The following NEK5 variants were observed in gnomAD, a reference collection of about 807,000 sequenced individuals.
NEK5 encodes serine/threonine-protein kinase Nek5.
In NEK5, 88 loss-of-function variants were observed where a neutral mutation model predicts 109.2. The ratio of observed to expected loss-of-function variants is 0.81; its 90% confidence interval spans 0.68 to 0.96. The LOEUF (loss-of-function observed/expected upper bound fraction) is 0.96, where lower values mean the gene tolerates loss of function less well. Among genes scored for constraint, NEK5 ranks in the 40% least tolerant of loss-of-function variants. The pLI is 0.00. For missense variants in NEK5, 834 were observed against 920.7 expected, an observed-to-expected ratio of 0.91 and a Z score of 1.22; for synonymous variants, 283 against 299.9, an observed-to-expected ratio of 0.94 and a Z score of 0.58.
chr13:52,120,893 CAG>C (rs1955955628), intron 3 of NEK5, among the ~76,000 whole-genome samples: 1 of 138,984 alleles, frequency 7.2e-6, no homozygotes, highest in Non-Finnish European at 1.5e-5. Flanking sequence ...GCCTGGGTGA[CAG>C]AGTAAGACTC....
intron 23 of NEK5, among the ~76,000 whole-genome samples, chr13:52,047,190 C>T (rs1954467133): frequency 6.6e-6 from 1 of 151,838 alleles, no homozygotes; most frequent in Non-Finnish European, 1.5e-5. Context: ...ATCCAATTTA[C>T]AAGTGTACAT....
intron 3 of NEK5, among the ~76,000 whole-genome samples, chr13:52,119,816 G>T (rs986510366): frequency 6.6e-6 from 1 of 152,132 alleles, no homozygotes; most frequent in African/African-American, 2.4e-5. Flanking sequence ...AAGAAAATGT[G>T]TCATATCCCA....
At chr13:52,062,634 T>A (rs574191483) in intron 21 of NEK5, among the ~76,000 whole-genome samples, 122 of 152,210 alleles carry the variant, frequency 8.0e-4, no homozygotes, top group African/African-American at 2.9e-3. Flanking sequence ...TTGGCCAGGC[T>A]GATCTTGAAC....
chr13:52,119,319 C>G lies in NEK5; in HGVS notation c.214G>C (p.Glu72Gln), dbSNP rs1212888348. 6.5e-7 allele frequency: 1 copy of G among 1,543,170 alleles called. No individual in the cohort carries two copies. The highest frequency in any genetic ancestry group is 2.3e-5 in the East Asian group (1 of 44,418). ...NIVAFFNSFQ[E>Q]NGRLFIVMEY... ...CTTAACGAATATTAGAAAATCAAACCTTGAAATGAATTGAAGAAGGCTACA... is the reference window on the plus strand; with the variant it reads ...CTTAACGAATATTAGAAAATCAAACGTTGAAATGAATTGAAGAAGGCTACA... The change falls in exon 4 of 24, where the codon GAG (glutamate) becomes CAG (glutamine). Residue 72 changes from glutamate to glutamine, a missense_variant and splice_region_variant. Transcript: ENST00000684899.
At chr13:52,094,287 G>T (rs1415974481) in intron 12 of NEK5, among the ~76,000 whole-genome samples, 1 of 152,112 alleles carries the variant, frequency 6.6e-6, no homozygotes, top group Non-Finnish European at 1.5e-5. Flanking sequence ...TGGCAACTCT[G>T]TCTAGTTTAC....
chr13:52,121,161 T>TTC (rs1426785477), intron 3 of NEK5, among the ~76,000 whole-genome samples: 2 of 144,330 alleles, frequency 1.4e-5, no homozygotes, highest in East Asian at 2.0e-4. Flanking sequence ...GAAGAAATCT[T>TTC]TTTTTTTTTT....
At chr13:52,059,966 A>T (rs1023372606) in intron 22 of NEK5, among the ~76,000 whole-genome samples, 3 of 151,196 alleles carry the variant, frequency 2.0e-5, no homozygotes, top group Admixed American at 6.6e-5. Flanking sequence ...ATAAAAAAAT[A>T]AAAAAATAAT....
chr13:52,087,571 G>A (rs190005559), intron 14 of NEK5, 117 bp from the exon 15 acceptor site: 45 of 543,334 alleles, frequency 8.3e-5, no homozygotes, highest in Non-Finnish European at 6.5e-6. Context: ...CTCAGTATTT[G>A]GGAGTTTTTT....
chr13:52,083,981 C>G (rs1955066273), intron 16 of NEK5, among the ~76,000 whole-genome samples: 1 of 152,196 alleles, frequency 6.6e-6, no homozygotes, highest in African/African-American at 2.4e-5. Flanking sequence ...CCAGCACACA[C>G]AGTCCTCTGT....
At chr13:52,116,224 C>T (rs1955855727) in intron 4 of NEK5, among the ~76,000 whole-genome samples, 1 of 150,572 alleles carries the variant, frequency 6.6e-6, no homozygotes. Context: ...CAGACATTGG[C>T]ATCTTCCAAT....
chr13:52,093,241 G>A lies in NEK5; in HGVS notation c.1027-6C>T. 1 of 1,604,958 alleles carries A rather than the reference G, an allele frequency of 6.2e-7. No individual in the cohort carries two copies. Among genetic ancestry groups the A allele is most frequent in the South Asian group, 1.1e-5 (1 of 90,778 alleles). On this transcript the variant is annotated splice_polypyrimidine_tract_variant and splice_region_variant and intron_variant, in intron 12 of 23. Transcript: ENST00000684899. Reference sequence around the variant, plus strand: ...GGTCTTTCTATCATTTTTATCTGAAGAAAACAAGAGGGGATGTTTTTAAAA... The same window carrying A: ...GGTCTTTCTATCATTTTTATCTGAAAAAAACAAGAGGGGATGTTTTTAAAA...
chr13:52,095,448 C>T (rs1380126591), intron 12 of NEK5, among the ~76,000 whole-genome samples: 1 of 152,220 alleles, frequency 6.6e-6, no homozygotes, highest in East Asian at 1.9e-4. Flanking sequence ...ATCAATTTTA[C>T]CTTTTCAAGG....
At chr13:52,090,635 A>G (rs1471408776) in intron 13 of NEK5, among the ~76,000 whole-genome samples, 1 of 152,190 alleles carries the variant, frequency 6.6e-6, no homozygotes, top group Non-Finnish European at 1.5e-5. Flanking sequence ...CAATATCTTC[A>G]TGAGAAAAAT....
intron 22 of NEK5, among the ~76,000 whole-genome samples, chr13:52,056,833 C>G (rs1954560559): frequency 6.6e-6 from 1 of 151,248 alleles, no homozygotes; most frequent in South Asian, 2.1e-4. Flanking sequence ...TAAATGCCCA[C>G]AAGAGAAAGC....
At chr13:52,077,965 T>C (rs1244759881) in intron 17 of NEK5, among the ~76,000 whole-genome samples, 3 of 152,018 alleles carry the variant, frequency 2.0e-5, no homozygotes, top group Non-Finnish European at 4.4e-5. Context: ...TCCCAGCTAC[T>C]TGGGAGGCTG....
chr13:52,076,161 A>G lies in NEK5; in HGVS notation c.1573-18T>C. 1 of 1,381,600 alleles carries G rather than the reference A, an allele frequency of 7.2e-7. No homozygotes were observed. The highest frequency in any genetic ancestry group is 1.2e-5 in the South Asian group (1 of 82,616). The allele number at this position is 1,381,600 out of a possible 1,614,324, so 85.6% of individuals were successfully genotyped here. A position where few individuals can be genotyped will look rare whatever the true frequency, so the allele number is the denominator to read the frequency against. On this transcript the variant is annotated intron_variant, in intron 17 of 23. Coordinates refer to ENST00000684899, the MANE Select transcript of NEK5 (RefSeq NM_001365552.1). ...TCAATGTCCTGAAAATTTAGAGAAA[A>G]ATACAATTCTCTCACTGTATGTTTA...
Position 52,087,395 on chromosome 13 carries a change from A to G in NEK5, c.1335T>C (p.Asn445=). 2 of 1,612,564 alleles carry G rather than the reference A, an allele frequency of 1.2e-6. No individual in the cohort carries two copies. The highest frequency in any genetic ancestry group is 1.7e-6 in the Non-Finnish European group (2 of 1,178,784). ...GCTCCTGGAATCTAGGCTCTTCTCC[A>G]TTACTTCTTAGCTCTTGTCTCTGGT... The part of the protein sequence containing the change: ...NYNQRQELRS[N]GEEPRFQELP... The change falls in exon 15 of 24, where the codon AAT becomes AAC. Residue 445 remains asparagine (N), a synonymous_variant. Transcript: ENST00000684899.
intron 13 of NEK5, among the ~76,000 whole-genome samples, chr13:52,092,195 GTAA>G (rs1955297954): frequency 1.3e-5 from 2 of 151,804 alleles, no homozygotes. Context: ...CTTATCAATT[GTAA>G]TAATCTATCA....
intron 8 of NEK5, among the ~76,000 whole-genome samples, chr13:52,104,941 T>C (rs189336792): frequency 6.6e-6 from 1 of 152,322 alleles, no homozygotes; most frequent in East Asian, 1.9e-4. Context: ...TATATCCTAC[T>C]CAAGGCTTTT....
Sources: gnomAD v4.1 joint callset for allele counts (sites outside exome capture counted in the v4.1 genomes callset) on GRCh38, gnomAD v4.1.1 for gene constraint, MANE v1.5 for transcripts, NCBI Gene and HGNC (gene_info 2026-07-23, HGNC 2026-07-21) for gene names.